CUTC: variants seen among roughly 807,000 people sequenced by gnomAD.
CUTC encodes copper homeostasis protein cutC homolog.
CUTC carries 27 observed loss-of-function variants against 36.2 expected under a neutral mutation model. That is an observed-to-expected ratio of 0.75 (90% confidence interval 0.55 to 1.03). The LOEUF is 1.03. Ranked by LOEUF, CUTC falls within the 50% of genes least tolerant of loss-of-function variation. The pLI is 0.00. For synonymous variants in CUTC, 114 were observed against 118.3 expected (o/e 0.96, Z 0.24); for missense variants, 315 against 343.5 (o/e 0.92, Z 0.66).
chr10:99,739,774 G>A lies in CUTC; in HGVS notation c.193+5G>A, dbSNP rs1278267188. On this transcript the variant is annotated splice_donor_5th_base_variant and intron_variant, in intron 3 of 8. Transcript: ENST00000370476. ...GGGGAACTACACCCAGCATGGGTAA[G>A]TGTCCATTTTTCCCAGGTTTTCTGA... The A allele has an allele frequency of 6.2e-7, 1 of 1,607,094 alleles. No homozygotes were observed. The highest frequency in any genetic ancestry group is 1.1e-5 in the South Asian group (1 of 89,472).
At chr10:99,744,481 C>G (rs1482478436) in intron 5 of CUTC, among the ~76,000 whole-genome samples, 2 of 152,104 alleles carry the variant, frequency 1.3e-5, no homozygotes, top group African/African-American at 4.8e-5. Flanking sequence ...CCAGGCAAAA[C>G]CATCCCTGGG....
chr10:99,732,572 G>C (rs140016140), intron 1 of CUTC, 163 bp downstream of exon 1: 1 of 1,440,842 alleles, frequency 6.9e-7, no homozygotes, highest in Non-Finnish European at 9.1e-7. Context: ...TGTGGAAACG[G>C]AGGGCGTGAC....
At chr10:99,752,337 A>C (rs2804418) in intron 7 of CUTC, among the ~76,000 whole-genome samples, 83,053 of 150,792 alleles carry the variant, frequency 0.55, 23,260 homozygotes, top group Middle Eastern at 0.68. Context: ...CTATGATCGC[A>C]CCACTGCACT....
At chr10:99,747,754 C>T (rs914333078) in intron 6 of CUTC, among the ~76,000 whole-genome samples, 1 of 152,178 alleles carries the variant, frequency 6.6e-6, no homozygotes, top group East Asian at 1.9e-4. Context: ...CTCTTGGGCT[C>T]AAGCCATCTG....
intron 1 of CUTC, among the ~76,000 whole-genome samples, chr10:99,733,768 C>A (rs1195844411): frequency 6.6e-6 from 1 of 152,226 alleles, no homozygotes; most frequent in African/African-American, 2.4e-5. Context: ...CTCTGGACTA[C>A]TACACTTTGA....
At chr10:99,732,674 G>T in intron 1 of CUTC, 3 of 1,339,894 alleles carry the variant, frequency 2.2e-6, no homozygotes, top group African/African-American at 1.5e-5. Flanking sequence ...GTGCAAGTTG[G>T]TTAACTTCAG....
chr10:99,736,373 T>A, intron 2 of CUTC, 56 bp downstream of exon 2: 1 of 1,324,140 alleles, frequency 7.6e-7, no homozygotes, highest in Admixed American at 1.7e-5. Flanking sequence ...AGTCTGAAAA[T>A]TAATCCTGTG....
chr10:99,746,021 T>A (rs1381709047), intron 5 of CUTC, among the ~76,000 whole-genome samples: 1 of 152,216 alleles, frequency 6.6e-6, no homozygotes, highest in Non-Finnish European at 1.5e-5. Flanking sequence ...GTGAGTACAG[T>A]GTTTCATTCT....
chr10:99,750,791 G>A (rs1040458107), intron 7 of CUTC, among the ~76,000 whole-genome samples: 23 of 152,102 alleles, frequency 1.5e-4, no homozygotes, highest in Non-Finnish European at 2.9e-4. Context: ...TTAAGCAAAG[G>A]TTTAGGCAAC....
intron 7 of CUTC, among the ~76,000 whole-genome samples, chr10:99,752,139 A>C (rs1282788209): frequency 2.0e-5 from 3 of 152,164 alleles, no homozygotes; most frequent in Non-Finnish European, 4.4e-5. Context: ...CCAGCGTTCA[A>C]AATAGTGACA....
intron 1 of CUTC, among the ~76,000 whole-genome samples, chr10:99,734,720 A>G (rs1388738673): frequency 6.6e-6 from 1 of 152,198 alleles, no homozygotes; most frequent in Non-Finnish European, 1.5e-5. Flanking sequence ...TGTTGTAATT[A>G]TTCAGCTTTT....
chr10:99,749,863 C>G (rs2037403690), intron 6 of CUTC, among the ~76,000 whole-genome samples: 1 of 152,090 alleles, frequency 6.6e-6, no homozygotes, highest in African/African-American at 2.4e-5. Flanking sequence ...ATTGTCTCGT[C>G]TTTCTTGAAT....
At chr10:99,754,706 T>C (rs2133682034) in intron 8 of CUTC, 72 bp downstream of exon 8, 2 of 1,049,542 alleles carry the variant, frequency 1.9e-6, no homozygotes, top group South Asian at 1.3e-5. Flanking sequence ...TAGAAAAACT[T>C]TGGATGGGGG....
intron 2 of CUTC, among the ~76,000 whole-genome samples, chr10:99,737,266 TAAA>T (rs77766994): frequency 1.6e-5 from 2 of 126,348 alleles, no homozygotes; most frequent in Non-Finnish European, 1.7e-5. Context: ...AGATCTTGTC[TAAA>T]AAAAAAAAAA....
At chr10:99,749,591 G>A (rs1211168015) in intron 6 of CUTC, among the ~76,000 whole-genome samples, 1 of 151,894 alleles carries the variant, frequency 6.6e-6, no homozygotes. Context: ...AGGCAAATAT[G>A]ACTTTTTTCC....
At chr10:99,753,131 A>G (rs549033481) in intron 7 of CUTC, among the ~76,000 whole-genome samples, 1 of 152,352 alleles carries the variant, frequency 6.6e-6, no homozygotes, top group South Asian at 2.1e-4. Flanking sequence ...GAGTCTGGAA[A>G]GATGTATTAC....
intron 8 of CUTC, among the ~76,000 whole-genome samples, chr10:99,754,922 T>C (rs1413093251): frequency 1.3e-5 from 2 of 152,208 alleles, no homozygotes; most frequent in East Asian, 3.9e-4. Context: ...ATGAGTCAGA[T>C]ATGCACATGT....
intron 4 of CUTC, 95 bp downstream of exon 4, chr10:99,743,457 T>A (rs2037355246): frequency 4.4e-6 from 5 of 1,140,844 alleles, no homozygotes; most frequent in Non-Finnish European, 5.3e-6. Flanking sequence ...GACTTTGCGG[T>A]CATAGCTACA....
At chr10:99,750,563 T>C (rs2037408540) in intron 7 of CUTC, among the ~76,000 whole-genome samples, 167 bp downstream of exon 7, 1 of 152,168 alleles carries the variant, frequency 6.6e-6, no homozygotes, top group South Asian at 2.1e-4. Context: ...CTGGGAGATC[T>C]GTGCTAGAAT....
Sources: allele counts gnomAD v4.1 joint callset (sites outside exome capture counted in the v4.1 genomes callset), GRCh38; gene constraint gnomAD v4.1.1; transcripts MANE v1.5; gene names NCBI Gene and HGNC (gene_info 2026-07-23, HGNC 2026-07-21).